CDCA7: variants seen among roughly 807,000 people sequenced by gnomAD.
CDCA7 encodes cell division cycle-associated protein 7.
CDCA7 carries 28 observed loss-of-function variants against 54.0 expected under a neutral mutation model. The ratio of observed to expected loss-of-function variants is 0.52; its 90% CI spans 0.38 to 0.71. The LOEUF (loss-of-function observed/expected upper bound fraction) is 0.71. CDCA7 is among the 30% of genes least tolerant of loss of function. The pLI is 0.00. For synonymous variants in CDCA7, 180 were observed against 208.2 expected (o/e 0.86, Z 1.16); for missense variants, 484 against 586.0 (o/e 0.83, Z 1.80).
chr2:173,354,882 C>G lies in CDCA7; in HGVS notation c.-82C>G. 7.4e-7 allele frequency: 1 copy of G among 1,351,194 alleles called. No individual in the cohort carries two copies. The highest frequency in any genetic ancestry group is 9.7e-7 in the Non-Finnish European group (1 of 1,033,378). The allele number at this position is 1,351,194 out of a possible 1,614,324, so 83.7% of individuals were successfully genotyped here. A position where few individuals can be genotyped will look rare whatever the true frequency, so the allele number is the denominator to read the frequency against. ...CAGCCTGCCAGCCGCGCTGCTGCTGCTCCTCCTGCTGTGGGACCGCTGACC... is the reference window on the plus strand; with the variant it reads ...CAGCCTGCCAGCCGCGCTGCTGCTGGTCCTCCTGCTGTGGGACCGCTGACC... On this transcript the variant is annotated 5_prime_UTR_variant, in exon 1 of 10. Coordinates refer to ENST00000306721, the MANE Select transcript of CDCA7 (RefSeq NM_031942.5).
chr2:173,358,904 C>G, intron 2 of CDCA7, 67 bp downstream of exon 2: 1 of 1,556,634 alleles, frequency 6.4e-7, no homozygotes, highest in South Asian at 1.2e-5. Flanking sequence ...ATGCTTTGTG[C>G]GTGATTAAAA....
intron 1 of CDCA7, among the ~76,000 whole-genome samples, chr2:173,357,130 T>A (rs936833663): frequency 7.9e-5 from 12 of 152,188 alleles, no homozygotes; most frequent in African/African-American, 2.9e-4. Flanking sequence ...ATTTAAGGAA[T>A]AAAAACACAG....
intron 1 of CDCA7, among the ~76,000 whole-genome samples, chr2:173,355,810 G>A (rs1686491741): frequency 6.6e-6 from 1 of 152,086 alleles, no homozygotes; most frequent in Admixed American, 6.5e-5. Context: ...GGGTGAAACG[G>A]AAGACAATGA....
In CDCA7 at chr2:173,359,470, G is replaced by A; in HGVS notation, c.363G>A (p.Glu121=). Residue 121 remains glutamate (E), a synonymous_variant, in exon 3 of 10, where the codon GAG becomes GAA. Coordinates refer to ENST00000306721, the MANE Select transcript of CDCA7 (RefSeq NM_031942.5). ...ATGAATCATTTTGCGGTTTCTCAGA[G>A]AGTGAGATACAAGATGGAATGGTGA... ...SDDESFCGFS[E]SEIQDGMRLQ... The A allele has an allele frequency of 6.2e-7, 1 of 1,614,092 alleles. No individual in the cohort carries two copies. Among genetic ancestry groups the A allele is most frequent in the East Asian group, 2.2e-5 (1 of 44,872 alleles).
intron 3 of CDCA7, among the ~76,000 whole-genome samples, chr2:173,362,764 G>C (rs1459221837): frequency 1.3e-5 from 2 of 150,748 alleles, no homozygotes; most frequent in African/African-American, 2.4e-5. Context: ...TTTTTGCAGA[G>C]ACGGGGTTTC....
chr2:173,363,736 T>G, intron 4 of CDCA7, 82 bp from the exon 5 acceptor site: 89 of 1,334,312 alleles, frequency 6.7e-5, no homozygotes, highest in Middle Eastern at 1.8e-4. Flanking sequence ...GAGATGTACT[T>G]GAGTATTTTC....
In CDCA7 at chr2:173,366,276, T is replaced by A; in HGVS notation, c.1036-7T>A. 6.3e-7 allele frequency: 1 copy of A among 1,595,056 alleles called. No individual in the cohort carries two copies. The highest frequency in any genetic ancestry group is 8.5e-7 in the Non-Finnish European group (1 of 1,172,760). On this transcript the variant is annotated splice_polypyrimidine_tract_variant and splice_region_variant and intron_variant, in intron 7 of 9. Coordinates refer to ENST00000306721, the MANE Select transcript of CDCA7 (RefSeq NM_031942.5). This position sits in a 1 kb window ranked among gnomAD's most constrained non-coding sequence, Gnocchi z 4.5. ...TTTTGTTTTTTTTCTTAATGGCTTA[T>A]TTGTAGGGCTCTACTTGTCATCAAT...
chr2:173,368,563 C>G lies in CDCA7; in HGVS notation c.*899C>G, dbSNP rs1214291438. 3 of 152,196 alleles carry G rather than the reference C, an allele frequency of 2.0e-5. No individual in the cohort carries two copies. In the East Asian group the frequency reaches 5.8e-4, roughly 29 times the overall value. 9.4% of individuals were successfully genotyped at this position (152,196 alleles called of 1,614,324 possible). A position where few individuals can be genotyped will look rare whatever the true frequency, so the allele number is the denominator to read the frequency against. Reference sequence around the variant, plus strand: ...GTTTCTTGTAAATTTATAAACCAGGCACAAGGTTCAAGTTTAGATTTTAAG... The same window carrying G: ...GTTTCTTGTAAATTTATAAACCAGGGACAAGGTTCAAGTTTAGATTTTAAG... On this transcript the variant is annotated 3_prime_UTR_variant, in exon 10 of 10. Coordinates refer to ENST00000306721, the MANE Select transcript of CDCA7 (RefSeq NM_031942.5).
chr2:173,364,720 A>G, intron 5 of CDCA7, 75 bp from the exon 6 acceptor site: 1 of 1,520,226 alleles, frequency 6.6e-7, no homozygotes, highest in Admixed American at 2.6e-5. Context: ...CCTTAAGGAG[A>G]AGCTATGAAT....
In CDCA7 at chr2:173,366,431, C is replaced by T. The variant is rs143579439; in HGVS notation, c.1184C>T (p.Pro395Leu). 50 of 1,613,838 alleles carry T rather than the reference C, an allele frequency of 3.1e-5. No homozygotes were observed. Among genetic ancestry groups the T allele is most frequent in the Admixed American group, 3.0e-4 (18 of 59,972 alleles). Residue 395 changes from proline to leucine, a missense_variant and splice_region_variant, in exon 8 of 10, where the codon CCG becomes CTG. Pro to Leu is a moderately conservative substitution (Grantham distance 98). This residue lies in a region of CDCA7 where 83 missense variants were observed against 122.3 expected (regional missense o/e 0.68). Transcript: ENST00000306721. This position sits in a 1 kb window ranked among gnomAD's most constrained non-coding sequence, Gnocchi z 4.5. Reference sequence around the variant, plus strand: ...GAGGTCAGGGATGCTCTGCTGGATCCGGTAGGTGCCTGCCAGGGGTTGGTC... The same window carrying T: ...GAGGTCAGGGATGCTCTGCTGGATCTGGTAGGTGCCTGCCAGGGGTTGGTC... ...GEEVRDALLD[P>L]NWHCPPCRGI... is the part of the protein sequence containing the mutation.
rs1369639389 is a variant in CDCA7, at chr2:173,366,418, G to A, written c.1171G>A (p.Ala391Thr). 6.2e-7 allele frequency: 1 copy of A among 1,614,150 alleles called. No homozygotes were observed. The highest frequency in any genetic ancestry group is 8.5e-7 in the Non-Finnish European group (1 of 1,180,012). Residue 391 changes from alanine (A) to threonine (T), a missense_variant, in exon 8 of 10, where the codon GCT becomes ACT. This residue lies in a region of CDCA7 where 83 missense variants were observed against 122.3 expected (regional missense o/e 0.68). Transcript: ENST00000306721. This position sits in a 1 kb window ranked among gnomAD's most constrained non-coding sequence, Gnocchi z 4.5. ...CCGTTATGGTGAAGAGGTCAGGGATGCTCTGCTGGATCCGGTAGGTGCCTG... is the reference window on the plus strand; with the variant it reads ...CCGTTATGGTGAAGAGGTCAGGGATACTCTGCTGGATCCGGTAGGTGCCTG... ...RNRYGEEVRD[A>T]LLDPNWHCPP...
Position 173,367,175 on chromosome 2 carries a change from G to T in CDCA7, c.1211G>T (p.Gly404Val). 6.2e-7 allele frequency: 1 copy of T among 1,602,376 alleles called. No individual in the cohort carries two copies. Among genetic ancestry groups the T allele is most frequent in the Non-Finnish European group, 8.5e-7 (1 of 1,175,436 alleles). The change falls in exon 9 of 10, where the codon GGA becomes GTA. Residue 404 changes from glycine (G) to valine (V), a missense_variant. Around this residue, in one of 3 missense-constraint regions of CDCA7, gnomAD observed 83 missense variants for 122.3 expected, o/e 0.68. Transcript: ENST00000306721. ...AACTGGCATTGCCCGCCTTGTCGAG[G>T]AATCTGCAACTGCAGTTTCTGCCGG... ...DPNWHCPPCR[G>V]ICNCSFCRQR...
rs142798510 is a variant in CDCA7, at chr2:173,364,134, C to T, written c.699+239C>T. ...TTTTGATTGGTTCTTTCTTTCCTTC[C>T]CAGCTAGACTAAGCCCCTCATGGGC... On this transcript the variant is annotated intron_variant, in intron 5 of 9. Transcript: ENST00000306721. 572 of 392,564 alleles carry T rather than the reference C, an allele frequency of 1.5e-3. 5 individuals are homozygous for T. Among genetic ancestry groups the T allele is most frequent in the African/African-American group, 0.011 (550 of 48,330 alleles). 24.3% of individuals were successfully genotyped at this position (392,564 alleles called of 1,614,324 possible).
intron 3 of CDCA7, among the ~76,000 whole-genome samples, chr2:173,362,863 C>A (rs1276386937): frequency 6.6e-6 from 1 of 152,104 alleles, no homozygotes; most frequent in Admixed American, 6.5e-5. Flanking sequence ...CAGATGTGAG[C>A]CACTGCACCC....
rs185300029 is a variant in CDCA7, at chr2:173,364,006, G to A, written c.699+111G>A. 3.1e-3 allele frequency: 3,175 copies of A among 1,013,012 alleles called. 13 individuals carry two copies. Among genetic ancestry groups the A allele is most frequent in the Non-Finnish European group, 4.1e-3 (2,781 of 670,612 alleles). The allele number at this position is 1,013,012 out of a possible 1,614,324, so 62.8% of individuals were successfully genotyped here. On this transcript the variant is annotated intron_variant, in intron 5 of 9. Coordinates refer to ENST00000306721, the MANE Select transcript of CDCA7 (RefSeq NM_031942.5). ...TATTTGTGTGGCCTTCTAGACAAACGAAGGGGACCTAGAGGAAACCCCCTG... is the reference window on the plus strand; with the variant it reads ...TATTTGTGTGGCCTTCTAGACAAACAAAGGGGACCTAGAGGAAACCCCCTG...
chr2:173,356,354 T>C (rs967004982), intron 1 of CDCA7: 48 of 148,442 alleles, frequency 3.2e-4, no homozygotes, highest in African/African-American at 1.2e-3. Context: ...TCTGACTGCT[T>C]GCAGGTAGAT....
chr2:173,359,157 C>T (rs982705167), intron 2 of CDCA7, 98 bp from the exon 3 acceptor site: 1 of 951,470 alleles, frequency 1.1e-6, no homozygotes, highest in African/African-American at 1.6e-5. Flanking sequence ...TCTTGTAGTG[C>T]ACTTGTAAAT....
At chr2:173,364,050 C>T in intron 5 of CDCA7, 155 bp downstream of exon 5, 1 of 621,196 alleles carries the variant, frequency 1.6e-6, no homozygotes, top group South Asian at 2.3e-5. Flanking sequence ...CTGGATGATC[C>T]TCCTTGAATC....
intron 5 of CDCA7, 178 bp downstream of exon 5, chr2:173,364,073 GTC>G (rs1686672800): frequency 1.8e-6 from 1 of 549,470 alleles, no homozygotes; most frequent in Non-Finnish European, 3.2e-6. Context: ...GGGCAGTTTG[GTC>G]TCTCCTTGCT....
Sources: gnomAD v4.1 joint callset for allele counts (sites outside exome capture counted in the v4.1 genomes callset) on GRCh38, gnomAD v4.1.1 for gene constraint, gnomAD v4.1.1 regional missense constraint, Gnocchi (gnomAD v3.1) non-coding constraint, MANE v1.5 for transcripts, NCBI Gene and HGNC (gene_info 2026-07-23, HGNC 2026-07-21) for gene names.